Variants in JPH1 observed in about 807,000 individuals in gnomAD.
JPH1 encodes the protein junctophilin 1, also known as junctophilin-1.
JPH1 carries 12 observed loss-of-function variants against 53.6 expected under a neutral mutation model. The observed-to-expected ratio is 0.22, with a 90% CI of 0.14 to 0.36. The LOEUF (loss-of-function observed/expected upper bound fraction) is 0.36, where lower values mean the gene tolerates loss of function less well. Among genes scored for constraint, JPH1 ranks in the 10% least tolerant of loss-of-function variants. The pLI is 1.00. For synonymous variants in JPH1, 375 were observed against 363.8 expected, an observed-to-expected ratio of 1.03 and a Z score of -0.35; for missense variants, 808 against 905.5, an observed-to-expected ratio of 0.89 and a Z score of 1.38.
Position 74,237,005 on chromosome 8 carries a change from G to A in JPH1, c.*46C>T. 4.0e-6 allele frequency: 2 copies of A among 502,688 alleles called. No homozygotes were observed. Among genetic ancestry groups the A allele is most frequent in the Non-Finnish European group, 7.1e-6 (2 of 280,690 alleles). The allele number at this position is 502,688 out of a possible 1,614,324, so 31.1% of individuals were successfully genotyped here. Reference sequence around the variant, plus strand: ...GACGGCACCACTGCAGAGAACTGTGGGCTAACACACCACTAGTTGTCAGGA... The same window carrying A: ...GACGGCACCACTGCAGAGAACTGTGAGCTAACACACCACTAGTTGTCAGGA... On this transcript the variant is annotated 3_prime_UTR_variant, in exon 6 of 6. Coordinates refer to ENST00000342232, the MANE Select transcript of JPH1 (RefSeq NM_020647.4).
chr8:74,287,943 T>C (rs1341901603), intron 2 of JPH1, among the ~76,000 whole-genome samples: 1 of 151,990 alleles, frequency 6.6e-6, no homozygotes. Context: ...AATATGTACT[T>C]GTTTTAGCTG....
At chr8:74,314,806 G>T (rs1341183640) in intron 2 of JPH1, 55 bp downstream of exon 2, 7 of 1,573,044 alleles carry the variant, frequency 4.4e-6, no homozygotes, top group African/African-American at 1.4e-5. Context: ...CATAATATTT[G>T]ATACTCCATT....
At chr8:74,311,451 TA>T (rs1161725265) in intron 2 of JPH1, among the ~76,000 whole-genome samples, 2 of 152,206 alleles carry the variant, frequency 1.3e-5, no homozygotes, top group African/African-American at 4.8e-5. Context: ...ATAATGTAGC[TA>T]AAAGTCCTAT....
At chr8:74,259,850 T>A (rs1399729772) in intron 2 of JPH1, among the ~76,000 whole-genome samples, 1 of 152,212 alleles carries the variant, frequency 6.6e-6, no homozygotes, top group Non-Finnish European at 1.5e-5. Flanking sequence ...GAAAGTAGAA[T>A]TAGAACATAT....
At position 74,320,898 on chromosome 8, in the gene JPH1, AC is replaced by A. The variant is rs1808299807; in HGVS notation, c.379+10del. The A allele has an allele frequency of 6.7e-7, 1 of 1,502,766 alleles. No homozygotes were observed. Among genetic ancestry groups the A allele is most frequent in the African/African-American group, 1.4e-5 (1 of 69,546 alleles). 93.1% of individuals were successfully genotyped at this position (1,502,766 alleles called of 1,614,324 possible). ...TCGCGGAGCAGCCGAGCCGCCCGTT[AC>A]GCCGCTCACCTCCGTCCCCGTAGGT... On this transcript the variant is annotated intron_variant, in intron 1 of 5. Transcript: ENST00000342232. This position sits in a 1 kb window ranked among gnomAD's most constrained non-coding sequence, Gnocchi z 4.4.
At chr8:74,290,301 A>T (rs1186703845) in intron 2 of JPH1, among the ~76,000 whole-genome samples, 1 of 152,216 alleles carries the variant, frequency 6.6e-6, no homozygotes, top group Non-Finnish European at 1.5e-5. Flanking sequence ...CAGGATAAAA[A>T]ATCAATGGCA....
chr8:74,281,827 C>G (rs1394967289), intron 2 of JPH1, among the ~76,000 whole-genome samples: 1 of 152,164 alleles, frequency 6.6e-6, no homozygotes, highest in Non-Finnish European at 1.5e-5. Context: ...CTTACAATCA[C>G]TGGTACCACC....
intron 2 of JPH1, among the ~76,000 whole-genome samples, chr8:74,269,081 T>C (rs1410598157): frequency 6.6e-6 from 1 of 152,262 alleles, no homozygotes; most frequent in East Asian, 1.9e-4. Context: ...GGTAAAAAGA[T>C]ATCTGTTTTA....
chr8:74,246,485 A>G (rs1380922951), intron 3 of JPH1, among the ~76,000 whole-genome samples: 2 of 152,176 alleles, frequency 1.3e-5, no homozygotes, highest in African/African-American at 4.8e-5. Flanking sequence ...AGTTATTGTA[A>G]TGAGGCTGCT....
chr8:74,312,127 A>C (rs2131461437), intron 2 of JPH1, among the ~76,000 whole-genome samples: 1 of 152,358 alleles, frequency 6.6e-6, no homozygotes, highest in Non-Finnish European at 1.5e-5. Flanking sequence ...AAAACAGTGA[A>C]GGTAAGTAAA....
chr8:74,289,829 A>T (rs958919519), intron 2 of JPH1, among the ~76,000 whole-genome samples: 3 of 152,142 alleles, frequency 2.0e-5, no homozygotes, highest in African/African-American at 7.2e-5. Context: ...TGAGATAATC[A>T]TGTGGTTTTT....
chr8:74,307,482 G>A (rs1285562943), intron 2 of JPH1, among the ~76,000 whole-genome samples: 1 of 152,218 alleles, frequency 6.6e-6, no homozygotes, highest in African/African-American at 2.4e-5. Context: ...AGAGTGACAG[G>A]CAGCCAAGGT....
intron 2 of JPH1, among the ~76,000 whole-genome samples, chr8:74,268,829 G>A (rs1051735185): frequency 1.3e-5 from 2 of 152,154 alleles, no homozygotes; most frequent in African/African-American, 4.8e-5. Flanking sequence ...AATACATGAC[G>A]AGAGCTAGGG....
rs187253691 is a variant in JPH1, at chr8:74,288,718, T to C, written c.1139+26143A>G. Among the ~76,000 whole-genome samples the C allele has an allele frequency of 3.2e-4, 48 of 152,336 alleles. 1 individual carries two copies. Among genetic ancestry groups the C allele is most frequent in the African/African-American group, 1.1e-3 (46 of 41,574 alleles). On this transcript the variant is annotated intron_variant, in intron 2 of 5. Transcript: ENST00000342232. The stretch of plus-strand genomic sequence containing the variant: ...ATGAATGCATGTCATCTTTGGTAAA[T>C]ACCAAGGTTGGTGCAAAAGTAACTG...
chr8:74,250,744 T>C (rs1022661779), intron 3 of JPH1, among the ~76,000 whole-genome samples: 4 of 152,204 alleles, frequency 2.6e-5, no homozygotes, highest in Non-Finnish European at 4.4e-5. Context: ...CTCTAAAGCC[T>C]ATGTCACCCT....
At chr8:74,263,425 G>A (rs1001394196) in intron 2 of JPH1, among the ~76,000 whole-genome samples, 1 of 152,136 alleles carries the variant, frequency 6.6e-6, no homozygotes, top group African/African-American at 2.4e-5. Context: ...TTGCTTTGAC[G>A]TACAAGTATT....
chr8:74,319,426 C>G lies in JPH1; in HGVS notation c.379+1483G>C, dbSNP rs143441021. On this transcript the variant is annotated intron_variant, in intron 1 of 5. Coordinates refer to ENST00000342232, the MANE Select transcript of JPH1 (RefSeq NM_020647.4). ...ACTGACATATTTACAGCGCTGTCAA[C>G]CAGGTACTTTATGCCCATTCAGAAC... 8.6e-3 allele frequency among the ~76,000 whole-genome samples: 1,312 copies of G among 152,290 alleles called. 23 individuals carry two copies. The highest frequency in any genetic ancestry group is 0.023 in the African/African-American group (939 of 41,572).
intron 2 of JPH1, among the ~76,000 whole-genome samples, chr8:74,280,013 TA>T (rs1442564170): frequency 6.6e-6 from 1 of 152,192 alleles, no homozygotes; most frequent in African/African-American, 2.4e-5. Context: ...TAAATAAGCA[TA>T]GAGGTATCAG....
At chr8:74,286,948 T>TA (rs1807180523) in intron 2 of JPH1, among the ~76,000 whole-genome samples, 1 of 152,132 alleles carries the variant, frequency 6.6e-6, no homozygotes, top group Non-Finnish European at 1.5e-5. Context: ...GAAAAAATAA[T>TA]CAAGGCAGGC....
Sources: allele counts gnomAD v4.1 joint callset (sites outside exome capture counted in the v4.1 genomes callset), GRCh38; gene constraint gnomAD v4.1.1; non-coding constraint Gnocchi (gnomAD v3.1); transcripts MANE v1.5; gene names NCBI Gene and HGNC (gene_info 2026-07-23, HGNC 2026-07-21).